WDR45B: variants seen among roughly 807,000 people sequenced by gnomAD.
WDR45B encodes the protein WD repeat domain 45B, also known as WD repeat domain phosphoinositide-interacting protein 3.
A neutral mutation model predicts 44.6 loss-of-function variants in WDR45B; 20 were observed. The ratio of observed to expected loss-of-function variants is 0.45; its 90% CI spans 0.32 to 0.65. The LOEUF (loss-of-function observed/expected upper bound fraction) is 0.65. WDR45B is among the 30% of genes least tolerant of loss of function. The pLI is 0.05. For missense variants in WDR45B, 323 were observed against 430.2 expected, an observed-to-expected ratio of 0.75 and a Z score of 2.20; for synonymous variants, 169 against 164.9, an observed-to-expected ratio of 1.02 and a Z score of -0.19.
intron 7 of WDR45B, chr17:82,617,613 G>A: frequency 1.7e-6 from 1 of 585,252 alleles, no homozygotes; most frequent in South Asian, 1.8e-5. Context: ...GTGTATCACG[G>A]CAAGTTTTCC....
At chr17:82,648,029 G>C (rs2046003840) in intron 1 of WDR45B, among the ~76,000 whole-genome samples, 2 of 146,260 alleles carry the variant, frequency 1.4e-5, no homozygotes, top group Admixed American at 1.4e-4. Context: ...TCACAACCCG[G>C]GGGGTGGGGG....
intron 2 of WDR45B, among the ~76,000 whole-genome samples, chr17:82,641,945 G>C (rs200487450): frequency 7.1e-6 from 1 of 140,946 alleles, no homozygotes; most frequent in East Asian, 2.0e-4. Context: ...TAACACATGT[G>C]GGAAAAAAGA....
At chr17:82,629,040 AG>A (rs2143307416) in intron 3 of WDR45B, among the ~76,000 whole-genome samples, 1 of 152,340 alleles carries the variant, frequency 6.6e-6, no homozygotes, top group African/African-American at 2.4e-5. Context: ...AGTAAAAAAA[AG>A]TACCTTTAAA....
At chr17:82,625,364 G>A (rs978787685) in intron 5 of WDR45B, 25 bp downstream of exon 5, 7 of 1,609,116 alleles carry the variant, frequency 4.4e-6, no homozygotes, top group African/African-American at 2.7e-5. Flanking sequence ...ATTTCCCATC[G>A]CCACCCGTCT....
chr17:82,631,549 T>C (rs544285854), intron 2 of WDR45B, among the ~76,000 whole-genome samples: 27 of 148,022 alleles, frequency 1.8e-4, no homozygotes, highest in Non-Finnish European at 3.4e-4. Context: ...CCTCCCAAAA[T>C]GCTGGGACTA....
intron 2 of WDR45B, among the ~76,000 whole-genome samples, chr17:82,638,052 G>A (rs2045858771): frequency 1.3e-5 from 2 of 149,978 alleles, no homozygotes; most frequent in South Asian, 2.1e-4. Context: ...CAGGTGTGGT[G>A]GCATGTGCCT....
intron 9 of WDR45B, 96 bp downstream of exon 9, chr17:82,616,428 G>C: frequency 6.3e-7 from 1 of 1,594,492 alleles, no homozygotes; most frequent in Non-Finnish European, 8.6e-7. Flanking sequence ...GCCACAGCGC[G>C]GTGCTGGGAC....
chr17:82,619,296 C>G (rs1177629464), intron 6 of WDR45B, among the ~76,000 whole-genome samples, 168 bp from the exon 7 acceptor site: 1 of 152,128 alleles, frequency 6.6e-6, no homozygotes, highest in Non-Finnish European at 1.5e-5. Context: ...ACAGTTGTGC[C>G]CCTGAGAACG....
At position 82,616,174 on chromosome 17, in the gene WDR45B, G is replaced by C. The variant is rs76555339; in HGVS notation, c.929-149C>G. 1.3e-3 allele frequency: 1,091 copies of C among 813,718 alleles called. 2 individuals carry two copies. Among genetic ancestry groups the C allele is most frequent in the Non-Finnish European group, 1.8e-3 (892 of 490,248 alleles). The allele number at this position is 813,718 out of a possible 1,614,324, so 50.4% of individuals were successfully genotyped here. A position where few individuals can be genotyped will look rare whatever the true frequency, so the allele number is the denominator to read the frequency against. On this transcript the variant is annotated intron_variant, in intron 9 of 9. Transcript: ENST00000392325. ...AGGCCCCAGGGTCCCCACTGAATGC[G>C]TTCGGTCGGCACCGTGGCCGGGAAT...
intron 6 of WDR45B, among the ~76,000 whole-genome samples, chr17:82,620,897 G>A (rs1158324599): frequency 2.0e-5 from 3 of 152,100 alleles, no homozygotes; most frequent in South Asian, 2.1e-4. Flanking sequence ...ATGAAGACAC[G>A]TTACTAAGCA....
rs765234642 is a variant in WDR45B, at chr17:82,616,536, T to G, written c.916A>C (p.Asn306His). 1 of 1,614,172 alleles carries G rather than the reference T, an allele frequency of 6.2e-7. No individual in the cohort carries two copies. ...AAGGACCACTCACCAATGACGGCGT[T>G]TGGCTCTGTTCCAAAGGCACAAATG... ...PCICAFGTEP[N>H]AVIAICADGS... is the part of the protein sequence containing the mutation. The change falls in exon 9 of 10, where the codon AAC becomes CAC. Residue 306 changes from asparagine to histidine, a missense_variant. Coordinates refer to ENST00000392325, the MANE Select transcript of WDR45B (RefSeq NM_019613.4).
intron 2 of WDR45B, among the ~76,000 whole-genome samples, chr17:82,634,142 C>T (rs1425312345): frequency 2.1e-5 from 1 of 48,540 alleles, no homozygotes; most frequent in Non-Finnish European, 4.1e-5. Context: ...CACAGTGAGA[C>T]TCCATCTCAA....
chr17:82,621,297 G>T (rs111815750), intron 6 of WDR45B, among the ~76,000 whole-genome samples: 5,251 of 152,190 alleles, frequency 0.035, 308 homozygotes, highest in African/African-American at 0.12. Context: ...CAAGTGATCC[G>T]CCTGCCTTGG....
intron 2 of WDR45B, among the ~76,000 whole-genome samples, chr17:82,640,072 C>A (rs1028992773): frequency 2.9e-5 from 4 of 139,802 alleles, no homozygotes; most frequent in Non-Finnish European, 6.3e-5. Flanking sequence ...CAACACTGCC[C>A]CCCAAGACTG....
chr17:82,618,667 G>A (rs769426767), intron 7 of WDR45B, among the ~76,000 whole-genome samples: 29 of 152,112 alleles, frequency 1.9e-4, no homozygotes, highest in African/African-American at 2.9e-4. Flanking sequence ...GGCCCAGGTC[G>A]AGGCTGTAGT....
At chr17:82,640,813 T>C (rs753132495) in intron 2 of WDR45B, among the ~76,000 whole-genome samples, 39 of 152,302 alleles carry the variant, frequency 2.6e-4, no homozygotes, top group Non-Finnish European at 5.6e-4. Context: ...CACATGCACA[T>C]GTGAGAACTC....
chr17:82,634,264 C>T lies in WDR45B; in HGVS notation c.143-3242G>A, dbSNP rs1413227123. Among the ~76,000 whole-genome samples, 8 of 150,418 alleles carry T rather than the reference C, an allele frequency of 5.3e-5. No homozygotes were observed. In the East Asian group the frequency reaches 5.9e-4, roughly 11 times the overall value. Reference sequence around the variant, plus strand: ...CAACACCTTGGGAGGCCGAGGCAGGCGAATCATGAGGTCGGGCGATCAAGA... The same window carrying T: ...CAACACCTTGGGAGGCCGAGGCAGGTGAATCATGAGGTCGGGCGATCAAGA... On this transcript the variant is annotated intron_variant, in intron 2 of 9. Transcript: ENST00000392325.
At chr17:82,634,169 A>AAAAG in intron 2 of WDR45B, among the ~76,000 whole-genome samples, 1 of 149,956 alleles carries the variant, frequency 6.7e-6, no homozygotes, top group South Asian at 2.1e-4. Context: ...AAAAAAAAAA[A>AAAAG]AAAAAGGCTG....
intron 2 of WDR45B, among the ~76,000 whole-genome samples, chr17:82,634,348 A>T (rs2045807613): frequency 6.8e-6 from 1 of 148,024 alleles, no homozygotes; most frequent in Non-Finnish European, 1.5e-5. Flanking sequence ...ATTAGCCAGG[A>T]GCGGCAGTGC....
Sources: gnomAD v4.1 joint callset for allele counts (sites outside exome capture counted in the v4.1 genomes callset) on GRCh38, gnomAD v4.1.1 for gene constraint, MANE v1.5 for transcripts, NCBI Gene and HGNC (gene_info 2026-07-23, HGNC 2026-07-21) for gene names.